The following GALNTL6 variants were observed in gnomAD, a reference collection of about 807,000 sequenced individuals.
GALNTL6 encodes polypeptide N-acetylgalactosaminyltransferase-like 6.
Under a neutral mutation model 73.7 loss-of-function variants are expected in GALNTL6, and 46 were observed. The observed-to-expected ratio is 0.62, with a 90% CI of 0.49 to 0.80. GALNTL6 has a LOEUF of 0.80. Among genes scored for constraint, GALNTL6 ranks in the 30% least tolerant of loss-of-function variants. The pLI, the probability that GALNTL6 is intolerant of heterozygous loss-of-function variation, is 0.00. For missense variants in GALNTL6, 604 were observed against 755.0 expected, an observed-to-expected ratio of 0.80 and a Z score of 2.34; for synonymous variants, 259 against 263.7, an observed-to-expected ratio of 0.98 and a Z score of 0.17.
chr4:172,172,253 AG>A (rs1352726447), intron 2 of GALNTL6, among the ~76,000 whole-genome samples: 2 of 152,162 alleles, frequency 1.3e-5, no homozygotes, highest in Non-Finnish European at 2.9e-5. Context: ...GCTGGAGCAC[AG>A]TGGTGCGATC....
chr4:172,503,135 G>A (rs544620135), intron 5 of GALNTL6, among the ~76,000 whole-genome samples: 11 of 152,244 alleles, frequency 7.2e-5, no homozygotes. Context: ...AAGTACTTGT[G>A]TGGGAAGGGT....
intron 2 of GALNTL6, among the ~76,000 whole-genome samples, chr4:172,098,885 T>C (rs1325979466): frequency 6.6e-6 from 1 of 152,050 alleles, no homozygotes; most frequent in Non-Finnish European, 1.5e-5. Flanking sequence ...CCCAAACAAA[T>C]TATCGGACCC....
At chr4:172,073,737 A>G (rs753498695) in intron 2 of GALNTL6, among the ~76,000 whole-genome samples, 22 of 152,250 alleles carry the variant, frequency 1.4e-4, no homozygotes, top group Non-Finnish European at 2.4e-4. Flanking sequence ...AGACAGCAGC[A>G]GGGCTGGAGA....
chr4:172,418,435 GAATGAC>G (rs1322060815), intron 5 of GALNTL6, among the ~76,000 whole-genome samples: 14 of 152,120 alleles, frequency 9.2e-5, no homozygotes, highest in Admixed American at 6.6e-4. Context: ...TCTGTACCTT[GAATGAC>G]AACTGTATGC....
intron 2 of GALNTL6, among the ~76,000 whole-genome samples, chr4:172,099,975 T>G (rs1160924432): frequency 6.6e-6 from 1 of 152,106 alleles, no homozygotes; most frequent in Admixed American, 6.6e-5. Flanking sequence ...CAATTCATAT[T>G]GTAAGCCATT....
At chr4:172,789,551 A>T (rs955009050) in intron 5 of GALNTL6, among the ~76,000 whole-genome samples, 2 of 152,156 alleles carry the variant, frequency 1.3e-5, no homozygotes, top group Non-Finnish European at 2.9e-5. Context: ...TTTGCAAAAG[A>T]TACAGATGAA....
At chr4:172,490,414 G>A (rs918714675) in intron 5 of GALNTL6, among the ~76,000 whole-genome samples, 1 of 152,008 alleles carries the variant, frequency 6.6e-6, no homozygotes, top group African/African-American at 2.4e-5. Flanking sequence ...ATATGTTACT[G>A]GAAGAAATTT....
chr4:172,460,255 A>G (rs550610518), intron 5 of GALNTL6, among the ~76,000 whole-genome samples: 158 of 152,320 alleles, frequency 1.0e-3, no homozygotes, highest in African/African-American at 3.7e-3. Flanking sequence ...AAGACCTAAA[A>G]CCATGAAAAC....
rs1351862448 is a variant in GALNTL6, at chr4:171,814,798, G to A, written c.138+80G>A. On this transcript the variant is annotated intron_variant, in intron 2 of 12. Transcript: ENST00000506823. The stretch of plus-strand genomic sequence containing the variant: ...CGCGGGGACTCGAGAAAGCCGGTGT[G>A]GGATCGCCTTGGGTTTTCCCCCAAG... 3.4e-6 allele frequency: 5 copies of A among 1,463,214 alleles called. No homozygotes were observed. In the Admixed American group the frequency reaches 5.3e-5, roughly 16 times the overall value. The allele number at this position is 1,463,214 out of a possible 1,614,324, so 90.6% of individuals were successfully genotyped here.
At chr4:171,973,104 G>A (rs944163197) in intron 2 of GALNTL6, among the ~76,000 whole-genome samples, 6 of 152,086 alleles carry the variant, frequency 3.9e-5, no homozygotes, top group African/African-American at 1.2e-4. Context: ...ACACTTCTAT[G>A]AAGCTGACCC....
chr4:171,926,096 A>G (rs1018993078), intron 2 of GALNTL6, among the ~76,000 whole-genome samples: 2 of 152,136 alleles, frequency 1.3e-5, no homozygotes, highest in African/African-American at 4.8e-5. Context: ...TTATCGAAAG[A>G]CATAAAACAT....
intron 8 of GALNTL6, 23 bp from the exon 9 acceptor site, chr4:172,931,138 T>C: frequency 7.9e-7 from 1 of 1,265,738 alleles, no homozygotes; most frequent in Non-Finnish European, 1.2e-6. Context: ...CTGTTGTCTT[T>C]TGTTCTATTT....
At chr4:172,291,229 T>C (rs1052187966) in intron 3 of GALNTL6, among the ~76,000 whole-genome samples, 4 of 152,136 alleles carry the variant, frequency 2.6e-5, no homozygotes, top group Admixed American at 2.0e-4. Flanking sequence ...GATTTTTATA[T>C]AGTTTTATTG....
Position 171,977,046 on chromosome 4 carries a change from G to A in GALNTL6, c.138+162328G>A, listed in dbSNP as rs530669856. On this transcript the variant is annotated intron_variant, in intron 2 of 12. Coordinates refer to ENST00000506823, the MANE Select transcript of GALNTL6 (RefSeq NM_001034845.3). Reference sequence around the variant, plus strand: ...GTGAAAAAGAGAGGGAGCAGAAGCCGGCTGCATTTCCTTTTACTGATTAAT... The same window carrying A: ...GTGAAAAAGAGAGGGAGCAGAAGCCAGCTGCATTTCCTTTTACTGATTAAT... Among the ~76,000 whole-genome samples, 35 of 152,252 alleles carry A rather than the reference G, an allele frequency of 2.3e-4. No individual in the cohort carries two copies. In the South Asian group the frequency reaches 6.2e-3, roughly 27 times the overall value.
At chr4:172,333,259 G>T (rs1741194594) in intron 4 of GALNTL6, among the ~76,000 whole-genome samples, 2 of 152,062 alleles carry the variant, frequency 1.3e-5, no homozygotes, top group Admixed American at 6.5e-5. Context: ...TACAAAATTA[G>T]CCAGGCATGG....
intron 5 of GALNTL6, among the ~76,000 whole-genome samples, chr4:172,744,756 A>G (rs1736995892): frequency 6.6e-6 from 1 of 151,960 alleles, no homozygotes; most frequent in South Asian, 2.1e-4. Context: ...CTAGGATCCC[A>G]TCATCACTGT....
At chr4:172,241,794 CTA>C (rs1243379434) in intron 3 of GALNTL6, among the ~76,000 whole-genome samples, 1 of 152,130 alleles carries the variant, frequency 6.6e-6, no homozygotes, top group Non-Finnish European at 1.5e-5. Context: ...CTTATATTTT[CTA>C]TGTGTAATAC....
chr4:172,071,507 T>C lies in GALNTL6; in HGVS notation c.139-158149T>C, dbSNP rs1353091536. ...AAAAAACAAAGCTCAAGATCAAGTA[T>C]GGCAAATTCCCTTCAGTTGTAAAAC... is the stretch of plus-strand genomic sequence containing the variant. On this transcript the variant is annotated intron_variant, in intron 2 of 12. Transcript: ENST00000506823. Among the ~76,000 whole-genome samples, 2 of 111,192 alleles carry C rather than the reference T, an allele frequency of 1.8e-5. 1 individual carries two copies. The highest frequency in any genetic ancestry group is 6.7e-5 in the African/African-American group (2 of 29,654). 72.9% of individuals were successfully genotyped at this position (111,192 alleles called of 152,430 possible).
At chr4:171,972,684 C>A (rs2111066760) in intron 2 of GALNTL6, among the ~76,000 whole-genome samples, 1 of 151,924 alleles carries the variant, frequency 6.6e-6, no homozygotes, top group South Asian at 2.1e-4. Context: ...CTTGAACTAG[C>A]AATGTGAGTT....
Sources: allele counts gnomAD v4.1 joint callset (sites outside exome capture counted in the v4.1 genomes callset), GRCh38; gene constraint gnomAD v4.1.1; transcripts MANE v1.5; gene names NCBI Gene and HGNC (gene_info 2026-07-23, HGNC 2026-07-21).